PTPRZ1: variants seen among roughly 807,000 people sequenced by gnomAD.
The protein encoded by PTPRZ1 is receptor-type tyrosine-protein phosphatase zeta.
Under a neutral mutation model 214.1 loss-of-function variants are expected in PTPRZ1, and 82 were observed. The observed-to-expected ratio is 0.38, with a 90% CI of 0.32 to 0.46. The LOEUF (loss-of-function observed/expected upper bound fraction) is 0.46, where lower values mean the gene tolerates loss of function less well. Among genes scored for constraint, PTPRZ1 ranks in the 20% least tolerant of loss-of-function variants. The probability of loss-of-function intolerance (pLI) is 1.00; values close to 1 mark genes in which losing one functional copy is unlikely to be tolerated. For synonymous variants in PTPRZ1, 945 were observed against 987.9 expected, an observed-to-expected ratio of 0.96 and a Z score of 0.81; for missense variants, 2,603 against 2,748.7, an observed-to-expected ratio of 0.95 and a Z score of 1.19.
chr7:122,010,240 G>A (rs1393802955), intron 11 of PTPRZ1, 94 bp from the exon 12 acceptor site: 2 of 1,253,780 alleles, frequency 1.6e-6, no homozygotes, highest in African/African-American at 1.5e-5. Flanking sequence ...AAGTTCCCAA[G>A]ATACCACAAG....
intron 26 of PTPRZ1, among the ~76,000 whole-genome samples, chr7:122,054,561 T>C (rs1792291480): frequency 6.6e-6 from 1 of 152,124 alleles, no homozygotes; most frequent in African/African-American, 2.4e-5. Context: ...AGGCTTTACA[T>C]GTTTACTTAG....
chr7:121,993,416 C>CA (rs959965152), intron 8 of PTPRZ1, among the ~76,000 whole-genome samples: 136 of 142,332 alleles, frequency 9.6e-4, no homozygotes, highest in South Asian at 2.1e-3. Context: ...ACTAAAAATA[C>CA]AAAAAAAAAA....
chr7:121,878,268 TCAGTAATCTGTGTGGCTAGTGGCAATCAC>T (rs1794121961), intron 1 of PTPRZ1, among the ~76,000 whole-genome samples: 1 of 152,302 alleles, frequency 6.6e-6, no homozygotes, highest in South Asian at 2.1e-4. Context: ...TTTCAAGTGC[TCAGTAATCTGTGTGGCTAGTGGCAATCAC>T]ATGGGACAGT....
At chr7:121,990,392 G>A (rs1345980057) in intron 8 of PTPRZ1, among the ~76,000 whole-genome samples, 1 of 151,874 alleles carries the variant, frequency 6.6e-6, no homozygotes, top group East Asian at 1.9e-4. Flanking sequence ...CCATTTGTAT[G>A]GAGAGTGCCA....
At chr7:121,994,299 T>TTTC (rs1461813753) in intron 8 of PTPRZ1, among the ~76,000 whole-genome samples, 1 of 129,678 alleles carries the variant, frequency 7.7e-6, no homozygotes, top group Non-Finnish European at 1.6e-5. Flanking sequence ...CTTTTTTTTT[T>TTTC]TTTTTTTTTT....
At chr7:122,041,292 T>G (rs1799724732) in intron 21 of PTPRZ1, among the ~76,000 whole-genome samples, 1 of 152,090 alleles carries the variant, frequency 6.6e-6, no homozygotes, top group Non-Finnish European at 1.5e-5. Context: ...AATATTTACC[T>G]CAACATATAA....
Position 122,022,386 on chromosome 7 carries a change from T to C in PTPRZ1, c.4988+3118T>C, listed in dbSNP as rs568368963. On this transcript the variant is annotated intron_variant, in intron 13 of 29. Coordinates refer to ENST00000393386, the MANE Select transcript of PTPRZ1 (RefSeq NM_002851.3). ...AATTGGGTTATTTGTCTTTCTATTA[T>C]TGAGTTGTGGTTTTGTTTGTTTGTT... 6.6e-5 allele frequency among the ~76,000 whole-genome samples: 10 copies of C among 152,308 alleles called. No individual in the cohort carries two copies. In the South Asian group the frequency reaches 8.3e-4, roughly 13 times the overall value.
chr7:121,959,199 T>C (rs1424047903), intron 2 of PTPRZ1, among the ~76,000 whole-genome samples: 1 of 152,198 alleles, frequency 6.6e-6, no homozygotes, highest in Non-Finnish European at 1.5e-5. Context: ...AATTGATAAC[T>C]ACCTTCTCTG....
chr7:121,964,117 T>C (rs1379056960), intron 2 of PTPRZ1, among the ~76,000 whole-genome samples: 2 of 152,214 alleles, frequency 1.3e-5, no homozygotes, highest in African/African-American at 4.8e-5. Context: ...CATGTTATAT[T>C]TGATCCTTAC....
chr7:121,947,996 AT>A (rs1796435840), intron 2 of PTPRZ1, among the ~76,000 whole-genome samples: 2 of 152,148 alleles, frequency 1.3e-5, no homozygotes, highest in South Asian at 4.1e-4. Context: ...TTCCCCTCAC[AT>A]TTGTGAAATG....
chr7:121,996,899 A>T (rs568101292), intron 9 of PTPRZ1, among the ~76,000 whole-genome samples: 1 of 152,256 alleles, frequency 6.6e-6, no homozygotes, highest in African/African-American at 2.4e-5. Flanking sequence ...CAGTGCCCTG[A>T]TACATTTTAT....
intron 2 of PTPRZ1, among the ~76,000 whole-genome samples, chr7:121,958,119 T>C (rs1248070827): frequency 6.6e-6 from 1 of 152,212 alleles, no homozygotes. Context: ...TCATCCTTCT[T>C]TCGTTCACAG....
intron 2 of PTPRZ1, 109 bp downstream of exon 2, chr7:121,928,330 C>T (rs927973614): frequency 4.4e-6 from 3 of 677,566 alleles, no homozygotes; most frequent in African/African-American, 3.7e-5. Context: ...GTCAACTTAG[C>T]TAAATGGATA....
chr7:122,019,422 A>G (rs1201973454), intron 13 of PTPRZ1, among the ~76,000 whole-genome samples, 154 bp downstream of exon 13: 1 of 152,192 alleles, frequency 6.6e-6, no homozygotes, highest in Non-Finnish European at 1.5e-5. Context: ...CAAAGGCACA[A>G]TAATGAAGGA....
At chr7:121,963,458 T>C (rs1034272750) in intron 2 of PTPRZ1, among the ~76,000 whole-genome samples, 4 of 152,082 alleles carry the variant, frequency 2.6e-5, no homozygotes, top group Non-Finnish European at 4.4e-5. Flanking sequence ...TAAGACTCCC[T>C]TTTTGGGAGT....
intron 1 of PTPRZ1, among the ~76,000 whole-genome samples, chr7:121,912,466 T>C (rs1795307269): frequency 6.6e-6 from 1 of 152,164 alleles, no homozygotes. Flanking sequence ...GCTCTTAAAG[T>C]AATCCATAGG....
intron 1 of PTPRZ1, among the ~76,000 whole-genome samples, chr7:121,926,139 C>T (rs1563020920): frequency 6.6e-6 from 1 of 151,998 alleles, no homozygotes; most frequent in Non-Finnish European, 1.5e-5. Flanking sequence ...CCCGTCTCTA[C>T]TAAAAATTCA....
At chr7:121,992,948 TCA>T (rs1483089314) in intron 8 of PTPRZ1, among the ~76,000 whole-genome samples, 1 of 152,164 alleles carries the variant, frequency 6.6e-6, no homozygotes, top group Non-Finnish European at 1.5e-5. Flanking sequence ...GGCCCCAGAC[TCA>T]CAGCCAGAAG....
At chr7:121,960,026 A>G (rs1198762074) in intron 2 of PTPRZ1, among the ~76,000 whole-genome samples, 2 of 152,114 alleles carry the variant, frequency 1.3e-5, no homozygotes, top group Non-Finnish European at 2.9e-5. Context: ...GAATATTTTT[A>G]TATGTGAATA....
Sources: gnomAD v4.1 joint callset for allele counts (sites outside exome capture counted in the v4.1 genomes callset) on GRCh38, gnomAD v4.1.1 for gene constraint, MANE v1.5 for transcripts, NCBI Gene and HGNC (gene_info 2026-07-23, HGNC 2026-07-21) for gene names.